The following TEAD1 variants were observed in gnomAD, a reference collection of about 807,000 sequenced individuals.
The protein encoded by TEAD1 is TEA domain transcription factor 1, also known as transcriptional enhancer factor TEF-1.
Under a neutral mutation model 54.9 loss-of-function variants are expected in TEAD1, and 9 were observed. That is an observed-to-expected ratio of 0.16 (90% CI 0.10 to 0.29). The LOEUF (loss-of-function observed/expected upper bound fraction) is 0.29, where lower values mean the gene tolerates loss of function less well. Among genes scored for constraint, TEAD1 ranks in the 10% least tolerant of loss-of-function variants. TEAD1 has a pLI of 1.00. For missense variants in TEAD1, 387 were observed against 535.9 expected, an observed-to-expected ratio of 0.72 and a Z score of 2.74; for synonymous variants, 200 against 187.8, an observed-to-expected ratio of 1.07 and a Z score of -0.53.
intron 2 of TEAD1, among the ~76,000 whole-genome samples, chr11:12,763,718 CT>C (rs2133925102): frequency 6.6e-6 from 1 of 152,300 alleles, no homozygotes; most frequent in South Asian, 2.1e-4. Context: ...TTATAAATTA[CT>C]TGTTCTGCTT....
At chr11:12,693,055 A>T (rs1261095264) in intron 2 of TEAD1, among the ~76,000 whole-genome samples, 1 of 152,224 alleles carries the variant, frequency 6.6e-6, no homozygotes, top group Non-Finnish European at 1.5e-5. Flanking sequence ...GGAGAACCCA[A>T]CAATCCATGA....
chr11:12,831,923 G>A (rs2134018611), intron 3 of TEAD1, among the ~76,000 whole-genome samples: 3 of 152,002 alleles, frequency 2.0e-5, no homozygotes, highest in Middle Eastern at 6.8e-3. Context: ...ACTTTTAATT[G>A]ATATGCCAGG....
intron 2 of TEAD1, among the ~76,000 whole-genome samples, chr11:12,734,919 AACAC>A (rs1944497633): frequency 6.6e-6 from 1 of 152,234 alleles, no homozygotes; most frequent in African/African-American, 2.4e-5. Flanking sequence ...CATATACTGA[AACAC>A]ACAAACACAC....
rs567326040 is a variant in TEAD1, at chr11:12,798,544, G to A, written c.202+34110G>A. The stretch of plus-strand genomic sequence containing the variant: ...ACAAGGCACTCCTCTGCACCCAGTC[G>A]GAATTCAGTGCCTGTGGTCAAGTAA... On this transcript the variant is annotated intron_variant, in intron 3 of 12. Transcript: ENST00000527636. Among the ~76,000 whole-genome samples the A allele has an allele frequency of 3.3e-5, 5 of 152,250 alleles. No homozygotes were observed. The East Asian group carries it at 7.7e-4, about 23-fold the overall frequency.
intron 3 of TEAD1, among the ~76,000 whole-genome samples, chr11:12,807,203 T>G (rs1946191976): frequency 6.6e-6 from 1 of 152,220 alleles, no homozygotes; most frequent in Non-Finnish European, 1.5e-5. Context: ...CAGAGTATAC[T>G]GATTTTTTAT....
At chr11:12,883,170 C>T in intron 9 of TEAD1, 45 bp downstream of exon 9, 1 of 1,613,636 alleles carries the variant, frequency 6.2e-7, no homozygotes, top group Admixed American at 1.7e-5. Context: ...GGATTTCTTT[C>T]CCTTTACTGT....
intron 5 of TEAD1, among the ~76,000 whole-genome samples, chr11:12,872,380 G>A (rs56847888): frequency 0.029 from 4,404 of 152,250 alleles, 225 homozygotes; most frequent in African/African-American, 0.1. Context: ...GCCTTGTCAC[G>A]GGATTTGGGA....
At chr11:12,890,137 C>T (rs927202053) in intron 9 of TEAD1, among the ~76,000 whole-genome samples, 4 of 152,296 alleles carry the variant, frequency 2.6e-5, no homozygotes, top group East Asian at 3.9e-4. Flanking sequence ...GGCTCAGAAA[C>T]GTTAAATAAA....
chr11:12,830,555 C>T (rs1241226504), intron 3 of TEAD1, among the ~76,000 whole-genome samples: 2 of 152,146 alleles, frequency 1.3e-5, no homozygotes. Context: ...AGCCTCCCCA[C>T]ACGACACAGC....
chr11:12,907,173 C>T (rs1184478753), intron 10 of TEAD1, among the ~76,000 whole-genome samples: 1 of 152,050 alleles, frequency 6.6e-6, no homozygotes, highest in Non-Finnish European at 1.5e-5. Flanking sequence ...TATTGGGGTA[C>T]AGATTACAGG....
chr11:12,826,729 G>T (rs1176305321), intron 3 of TEAD1, among the ~76,000 whole-genome samples: 2 of 152,150 alleles, frequency 1.3e-5, no homozygotes, highest in Non-Finnish European at 2.9e-5. Context: ...ATGAAAAAAT[G>T]TGTGTAAATG....
intron 3 of TEAD1, among the ~76,000 whole-genome samples, chr11:12,818,575 C>T (rs1358268491): frequency 6.6e-6 from 1 of 152,186 alleles, no homozygotes; most frequent in Non-Finnish European, 1.5e-5. Context: ...TCAAGTCCAG[C>T]TCCTCCAAAC....
intron 2 of TEAD1, among the ~76,000 whole-genome samples, chr11:12,707,119 T>C (rs1943833674): frequency 6.7e-6 from 1 of 149,796 alleles, no homozygotes. Context: ...TGGGACTTTT[T>C]TTTTTTTTTT....
chr11:12,780,767 A>G (rs1260777601), intron 3 of TEAD1, among the ~76,000 whole-genome samples: 1 of 152,216 alleles, frequency 6.6e-6, no homozygotes, highest in African/African-American at 2.4e-5. Context: ...CATTGCTAAG[A>G]CAGCAGTACC....
chr11:12,854,190 TG>T (rs937261206), intron 3 of TEAD1, among the ~76,000 whole-genome samples: 8 of 152,336 alleles, frequency 5.3e-5, no homozygotes, highest in Middle Eastern at 3.4e-3. Flanking sequence ...GCTGTGGGAC[TG>T]GTTCAGAGGC....
rs143890369 is a variant in TEAD1 at position 12,812,960 on chromosome 11, AG to A, written c.202+48529del. The stretch of plus-strand genomic sequence containing the variant: ...GTAGCAGCCTCCTGGCACAAAGGCA[AG>A]GGTCTGTGGTTAGTGACTGTCGTGT... On this transcript the variant is annotated intron_variant, in intron 3 of 12. Transcript: ENST00000527636. Among the ~76,000 whole-genome samples, 438 of 152,364 alleles carry A rather than the reference AG, an allele frequency of 2.9e-3. 14 individuals carry two copies. The East Asian group carries it at 0.065, about 23-fold the overall frequency.
chr11:12,871,058 T>C (rs1191018106), intron 5 of TEAD1, among the ~76,000 whole-genome samples: 1 of 152,206 alleles, frequency 6.6e-6, no homozygotes, highest in Non-Finnish European at 1.5e-5. Flanking sequence ...GTAGGTTTTA[T>C]AGATGACCCA....
At chr11:12,918,186 C>A (rs961504765) in intron 10 of TEAD1, among the ~76,000 whole-genome samples, 1 of 151,996 alleles carries the variant, frequency 6.6e-6, no homozygotes, top group African/African-American at 2.4e-5. Flanking sequence ...CTCTGCAAAT[C>A]CCAGACTTCT....
chr11:12,728,819 T>C (rs190927869), intron 2 of TEAD1, among the ~76,000 whole-genome samples: 2 of 152,360 alleles, frequency 1.3e-5, no homozygotes, highest in Admixed American at 1.3e-4. Context: ...CTTCCCTAAG[T>C]GTAGAATTCT....
Sources: allele counts gnomAD v4.1 joint callset (sites outside exome capture counted in the v4.1 genomes callset), GRCh38; gene constraint gnomAD v4.1.1; transcripts MANE v1.5; gene names NCBI Gene and HGNC (gene_info 2026-07-23, HGNC 2026-07-21).